The following NEDD4L variants were observed in gnomAD, a reference collection of about 807,000 sequenced individuals.
NEDD4L encodes the protein NEDD4 like E3 ubiquitin protein ligase, also known as E3 ubiquitin-protein ligase NEDD4-like.
Under a neutral mutation model 148.9 loss-of-function variants are expected in NEDD4L, and 54 were observed. The observed-to-expected ratio is 0.36, with a 90% confidence interval of 0.29 to 0.45. NEDD4L has a LOEUF of 0.45. Among genes scored for constraint, NEDD4L ranks in the 20% least tolerant of loss-of-function variants. The pLI is 1.00. For missense variants in NEDD4L, 856 were observed against 1,233.8 expected (o/e 0.69, Z 4.59); for synonymous variants, 433 against 440.7 (o/e 0.98, Z 0.22).
At chr18:58,165,580 A>G (rs1024332085) in intron 1 of NEDD4L, 5 of 908,002 alleles carry the variant, frequency 5.5e-6, no homozygotes, top group Non-Finnish European at 6.6e-6. Flanking sequence ...ATTAACTTGG[A>G]TGTTCTAAGT....
At chr18:58,109,491 G>T (rs2085278956) in intron 1 of NEDD4L, among the ~76,000 whole-genome samples, 1 of 152,160 alleles carries the variant, frequency 6.6e-6, no homozygotes, top group Non-Finnish European at 1.5e-5. Flanking sequence ...CATTTGCTGT[G>T]GGGGTGGTAA....
intron 5 of NEDD4L, among the ~76,000 whole-genome samples, chr18:58,269,600 C>T (rs1423183796): frequency 1.3e-5 from 2 of 152,048 alleles, no homozygotes; most frequent in Non-Finnish European, 2.9e-5. Flanking sequence ...GACCCCTGGC[C>T]AGAAGTAGAT....
chr18:58,136,528 AACCCAGGAGCTACTG>A (rs1406237292), intron 1 of NEDD4L, among the ~76,000 whole-genome samples: 1 of 152,156 alleles, frequency 6.6e-6, no homozygotes, highest in Non-Finnish European at 1.5e-5. Flanking sequence ...GAAAGGGAGG[AACCCAGGAGCTACTG>A]ACTGTGACTA....
At chr18:58,263,660 C>CTTTTTTTTTTTTTTTT (rs71173041) in intron 5 of NEDD4L, among the ~76,000 whole-genome samples, 3 of 103,704 alleles carry the variant, frequency 2.9e-5, no homozygotes, top group Non-Finnish European at 1.9e-5. Flanking sequence ...ACTTCTTAGG[C>CTTTTTTTTTTTTTTTT]TTTTTTTTTT....
At chr18:58,138,365 CCCTCCCCTCCTCCTCTTT>C (rs1381207944) in intron 1 of NEDD4L, among the ~76,000 whole-genome samples, 17 of 134,262 alleles carry the variant, frequency 1.3e-4, no homozygotes, top group African/African-American at 2.5e-4. Context: ...TCCTCCTCTT[CCCTCCCCTCCTCCTCTTT>C]CCTCCCCTCC....
At chr18:58,179,084 A>G (rs941122424) in intron 2 of NEDD4L, among the ~76,000 whole-genome samples, 3 of 152,206 alleles carry the variant, frequency 2.0e-5, no homozygotes, top group Admixed American at 2.0e-4. Context: ...GAGAACAGGG[A>G]TTTTAACTTG....
chr18:58,352,787 G>T (rs1022335709), intron 18 of NEDD4L, among the ~76,000 whole-genome samples: 2 of 152,174 alleles, frequency 1.3e-5, no homozygotes, highest in Non-Finnish European at 2.9e-5. Flanking sequence ...GGTCTGTGAC[G>T]CATGGAGAGC....
intron 6 of NEDD4L, 74 bp from the exon 7 acceptor site, chr18:58,322,350 TA>T: frequency 1.0e-6 from 1 of 1,001,068 alleles, no homozygotes; most frequent in Non-Finnish European, 1.6e-6. Context: ...ATATTCTCTG[TA>T]ATCCAGTTGC....
intron 24 of NEDD4L, among the ~76,000 whole-genome samples, chr18:58,380,465 T>G (rs946706808): frequency 1.3e-5 from 2 of 151,988 alleles, no homozygotes; most frequent in Non-Finnish European, 2.9e-5. Flanking sequence ...ATTACAGGCG[T>G]GAGCCACCAC....
chr18:58,172,584 T>C (rs117040190), intron 2 of NEDD4L, among the ~76,000 whole-genome samples: 3 of 152,334 alleles, frequency 2.0e-5, no homozygotes, highest in Non-Finnish European at 2.9e-5. Flanking sequence ...AAGAAAGGTT[T>C]AGTAAGTTGT....
intron 5 of NEDD4L, among the ~76,000 whole-genome samples, chr18:58,292,844 C>G (rs2054966112): frequency 6.6e-6 from 1 of 152,164 alleles, no homozygotes; most frequent in South Asian, 2.1e-4. Context: ...CATACAATGT[C>G]CTAAATAAAC....
chr18:58,096,020 C>G lies in NEDD4L; in HGVS notation c.48+51312C>G, dbSNP rs1197005658. Among the ~76,000 whole-genome samples the G allele has an allele frequency of 7.9e-5, 12 of 152,058 alleles. No individual in the cohort carries two copies. The East Asian group carries it at 2.3e-3, about 29-fold the overall frequency. Reference sequence around the variant, plus strand: ...TTCTTCCAGTGTGGCCCAGGGAAGCCAAAAGATTGGACACCCCTGATTTAG... The same window carrying G: ...TTCTTCCAGTGTGGCCCAGGGAAGCGAAAAGATTGGACACCCCTGATTTAG... On this transcript the variant is annotated intron_variant, in intron 1 of 30. Transcript: ENST00000400345.
Position 58,387,368 on chromosome 18 carries a change from T to G in NEDD4L, c.2488-71T>G, listed in dbSNP as rs949344619. 4.8e-6 allele frequency: 7 copies of G among 1,452,642 alleles called. No individual in the cohort carries two copies. The African/African-American group carries it at 1.1e-4, about 23-fold the overall frequency. The allele number at this position is 1,452,642 out of a possible 1,614,324, so 90.0% of individuals were successfully genotyped here. On this transcript the variant is annotated intron_variant, in intron 26 of 30. Coordinates refer to ENST00000400345, the MANE Select transcript of NEDD4L (RefSeq NM_001144967.3). ...TTTTTTTCTGGCTAACCAGAAAAGT[T>G]TGTTTTTCCTGTGAAATTTTTTTTT... is the stretch of plus-strand genomic sequence containing the variant.
intron 13 of NEDD4L, among the ~76,000 whole-genome samples, chr18:58,336,603 G>A (rs547412073): frequency 1.3e-5 from 2 of 151,858 alleles, no homozygotes; most frequent in Non-Finnish European, 2.9e-5. Flanking sequence ...TTTCCTTATT[G>A]TTTCACCTGT....
At chr18:58,363,014 AAAG>A (rs1568851313) in intron 19 of NEDD4L, among the ~76,000 whole-genome samples, 1 of 152,238 alleles carries the variant, frequency 6.6e-6, no homozygotes, top group Non-Finnish European at 1.5e-5. Context: ...GTGGAAAATC[AAAG>A]AAGACTGGCT....
At chr18:58,304,810 G>T (rs2056888402) in intron 5 of NEDD4L, among the ~76,000 whole-genome samples, 1 of 152,210 alleles carries the variant, frequency 6.6e-6, no homozygotes, top group Non-Finnish European at 1.5e-5. Context: ...GATGGATGAG[G>T]ATACAAGCCT....
intron 2 of NEDD4L, among the ~76,000 whole-genome samples, chr18:58,234,186 T>C (rs2148209680): frequency 6.8e-6 from 1 of 147,890 alleles, no homozygotes; most frequent in East Asian, 2.0e-4. Context: ...CTTTCTTTCC[T>C]TCCTTCCCCC....
chr18:58,366,041 A>G lies in NEDD4L; in HGVS notation c.1876A>G (p.Asn626Asp). 6.2e-7 allele frequency: 1 copy of G among 1,612,844 alleles called. No individual in the cohort carries two copies. Among genetic ancestry groups the G allele is most frequent in the Non-Finnish European group, 8.5e-7 (1 of 1,179,370 alleles). ...NRFEMKLHRN[N>D]IFEESYRRIM... ...GTTTGAAATGAAACTTCACAGAAAT[A>G]ACATATTTGAAGAGTCCTATCGGAG... is the stretch of plus-strand genomic sequence containing the variant. Residue 626 changes from asparagine to aspartate, a missense_variant, in exon 21 of 31, where the codon AAC becomes GAC. Asn to Asp is a conservative substitution (Grantham distance 23, BLOSUM62 1). This residue lies in a region of NEDD4L where 286 missense variants were observed against 531.8 expected (regional missense o/e 0.54). Coordinates refer to ENST00000400345, the MANE Select transcript of NEDD4L (RefSeq NM_001144967.3). The surrounding 1 kb of genome is among the most constrained non-coding windows in gnomAD (Gnocchi z 4.2).
chr18:58,316,069 G>A lies in NEDD4L; in HGVS notation c.348+37G>A, dbSNP rs771260662. 2.6e-6 allele frequency: 4 copies of A among 1,550,858 alleles called. No individual in the cohort carries two copies. The Admixed American group carries it at 5.1e-5, about 20-fold the overall frequency. ...CTCATGTTTGATGCTTCGTGCTGGG[G>A]GCGGGGGTTTCTAATTGTTTGTAGT... is the stretch of plus-strand genomic sequence containing the variant. On this transcript the variant is annotated intron_variant, in intron 6 of 30. Transcript: ENST00000400345.
Sources: gnomAD v4.1 joint callset for allele counts (sites outside exome capture counted in the v4.1 genomes callset) on GRCh38, gnomAD v4.1.1 for gene constraint, gnomAD v4.1.1 regional missense constraint, Gnocchi (gnomAD v3.1) non-coding constraint, MANE v1.5 for transcripts, NCBI Gene and HGNC (gene_info 2026-07-23, HGNC 2026-07-21) for gene names.